The following GPHN variants were observed in gnomAD, a reference collection of about 807,000 sequenced individuals.
GPHN encodes the protein gephyrin.
Under a neutral mutation model 95.5 loss-of-function variants are expected in GPHN, and 17 were observed. The ratio of observed to expected loss-of-function variants is 0.18; its 90% confidence interval spans 0.12 to 0.27. The LOEUF is 0.27. GPHN is among the 10% of genes least tolerant of loss of function. The pLI, the probability that GPHN is intolerant of heterozygous loss-of-function variation, is 1.00. For missense variants in GPHN, 660 were observed against 978.1 expected (o/e 0.67, Z 4.34); for synonymous variants, 320 against 322.5 (o/e 0.99, Z 0.08).
At chr14:67,376,632 A>T in the GPHN span, 2 of 1,591,824 alleles carry the variant, frequency 1.3e-6, no homozygotes, top group Non-Finnish European at 1.7e-6. Context: ...TTGATATCAC[A>T]ACTCTTGGCC....
chr14:67,352,192 A>G, the GPHN span, among the ~76,000 whole-genome samples: 10 of 152,228 alleles, frequency 6.6e-5, no homozygotes, highest in African/African-American at 2.4e-4. Flanking sequence ...ACAGGTTTAA[A>G]AATAAAACAC....
At chr14:67,064,249 T>A (rs117267946) in intron 11 of GPHN, among the ~76,000 whole-genome samples, 10,107 of 152,210 alleles carry the variant, frequency 0.066, 350 homozygotes, top group Middle Eastern at 0.085. Context: ...TGATTTGCAT[T>A]TTTTGAACCA....
the GPHN span, among the ~76,000 whole-genome samples, chr14:67,217,951 A>G: frequency 1.3e-5 from 2 of 152,126 alleles, no homozygotes; most frequent in African/African-American, 2.4e-5. Flanking sequence ...ACTTATTTAT[A>G]TGAATGGGTC....
At chr14:66,951,109 A>G (rs1337387175) in intron 8 of GPHN, among the ~76,000 whole-genome samples, 2 of 151,982 alleles carry the variant, frequency 1.3e-5, no homozygotes, top group Non-Finnish European at 2.9e-5. Context: ...TATTTTTAGT[A>G]GAAACGGGAT....
intron 1 of GPHN, among the ~76,000 whole-genome samples, chr14:66,661,781 G>T (rs1355979827): frequency 6.6e-6 from 1 of 152,138 alleles, no homozygotes; most frequent in African/African-American, 2.4e-5. Flanking sequence ...CGAGGGGGAG[G>T]TGGGCGGGCG....
rs1296805856 is a variant in GPHN at position 66,980,824 on chromosome 14, G to A, written c.963+15499G>A. 2.0e-5 allele frequency among the ~76,000 whole-genome samples: 3 copies of A among 152,326 alleles called. No homozygotes were observed. In the East Asian group the frequency reaches 5.8e-4, roughly 29 times the overall value. On this transcript the variant is annotated intron_variant, in intron 9 of 22. Coordinates refer to ENST00000478722, the MANE Select transcript of GPHN (RefSeq NM_020806.5). The stretch of plus-strand genomic sequence containing the variant: ...TCAGCACTTTGGGAGGCCAAGGCAG[G>A]AGTATCACCTGAGGTCGGGAGTTTG...
chr14:67,592,265 T>C, the GPHN span: 1 of 394,904 alleles, frequency 2.5e-6, no homozygotes, highest in Admixed American at 3.1e-5. Flanking sequence ...CAAGACCTCA[T>C]CTCTACTAAA....
intron 8 of GPHN, among the ~76,000 whole-genome samples, chr14:66,928,733 T>A (rs2066619474): frequency 6.6e-6 from 1 of 152,216 alleles, no homozygotes; most frequent in Non-Finnish European, 1.5e-5. Flanking sequence ...ATTCATTTGC[T>A]TCAAGACATT....
At chr14:66,611,091 A>G (rs553082852) in intron 1 of GPHN, among the ~76,000 whole-genome samples, 1 of 152,192 alleles carries the variant, frequency 6.6e-6, no homozygotes, top group Non-Finnish European at 1.5e-5. Context: ...AGCCCTTCAC[A>G]TAATAAAAGC....
chr14:66,866,606 AGTTG>A (rs1345263764), intron 4 of GPHN, among the ~76,000 whole-genome samples: 2 of 152,160 alleles, frequency 1.3e-5, no homozygotes, highest in African/African-American at 4.8e-5. Flanking sequence ...TATGTACTTG[AGTTG>A]GTTCTTGAAC....
At chr14:67,566,466 C>T in the GPHN span, among the ~76,000 whole-genome samples, 920 of 152,134 alleles carry the variant, frequency 6.0e-3, 7 homozygotes, top group Non-Finnish European at 7.9e-3. Flanking sequence ...GGTCTTGAGC[C>T]GGGTACAGTG....
chr14:66,830,485 T>C lies in GPHN; in HGVS notation c.294+5919T>C, dbSNP rs1413678112. On this transcript the variant is annotated intron_variant, in intron 4 of 22. Coordinates refer to ENST00000478722, the MANE Select transcript of GPHN (RefSeq NM_020806.5). ...TAATTTTAAACTGAGAAAAAGTAAT[T>C]TGAAACTGACATTCTTAGGAATGCC... Among the ~76,000 whole-genome samples, 3 of 152,074 alleles carry C rather than the reference T, an allele frequency of 2.0e-5. No individual in the cohort carries two copies. The East Asian group carries it at 5.8e-4, about 29-fold the overall frequency.
chr14:67,561,648 G>A, the GPHN span, among the ~76,000 whole-genome samples: 2 of 152,034 alleles, frequency 1.3e-5, no homozygotes, highest in Non-Finnish European at 2.9e-5. Context: ...TGGGCAGATC[G>A]TTTGAGTCCA....
At chr14:66,863,150 T>C (rs1475656504) in intron 4 of GPHN, among the ~76,000 whole-genome samples, 1 of 147,822 alleles carries the variant, frequency 6.8e-6, no homozygotes, top group East Asian at 2.0e-4. Flanking sequence ...AAAATCAACA[T>C]ACAAAAATCA....
chr14:66,906,395 A>G (rs1249841831), intron 5 of GPHN, among the ~76,000 whole-genome samples: 3 of 152,174 alleles, frequency 2.0e-5, no homozygotes, highest in Non-Finnish European at 4.4e-5. Context: ...AAATGATGGA[A>G]AGCTGGCTGT....
intron 1 of GPHN, among the ~76,000 whole-genome samples, chr14:66,596,866 T>C (rs2062000450): frequency 6.6e-6 from 1 of 152,212 alleles, no homozygotes; most frequent in South Asian, 2.1e-4. Flanking sequence ...TCCTGCTGGC[T>C]CCGTGGAGTG....
chr14:67,284,420 C>G, the GPHN span, among the ~76,000 whole-genome samples: 1 of 95,568 alleles, frequency 1.0e-5, no homozygotes, highest in Admixed American at 1.2e-4. Context: ...CAACATAGAC[C>G]CTATCTCTTA....
chr14:66,940,088 C>A (rs1053091147), intron 8 of GPHN, among the ~76,000 whole-genome samples: 1 of 152,050 alleles, frequency 6.6e-6, no homozygotes, highest in African/African-American at 2.4e-5. Flanking sequence ...GGGTTCCTGT[C>A]CCCTGAGCTC....
the GPHN span, among the ~76,000 whole-genome samples, chr14:67,192,861 TATATATAG>T: frequency 6.5e-5 from 9 of 139,072 alleles, no homozygotes; most frequent in Admixed American, 1.4e-4. Flanking sequence ...GATATACAGA[TATATATAG>T]ATATATAGAT....
Sources: allele counts gnomAD v4.1 joint callset (sites outside exome capture counted in the v4.1 genomes callset), GRCh38; gene constraint gnomAD v4.1.1; transcripts MANE v1.5; gene names NCBI Gene and HGNC (gene_info 2026-07-23, HGNC 2026-07-21).